PRPF6: variants seen among roughly 807,000 people sequenced by gnomAD.
PRPF6 encodes pre-mRNA-processing factor 6.
In PRPF6, 42 loss-of-function variants were observed where a neutral mutation model predicts 118.3. That is an observed-to-expected ratio of 0.35 (90% CI 0.28 to 0.46). The LOEUF (loss-of-function observed/expected upper bound fraction) is 0.46. Among genes scored for constraint, PRPF6 ranks in the 20% least tolerant of loss-of-function variants. PRPF6 has a pLI of 1.00. For synonymous variants in PRPF6, 481 were observed against 485.1 expected (o/e 0.99, Z 0.11); for missense variants, 662 against 1,255.7 (o/e 0.53, Z 7.15).
intron 3 of PRPF6, among the ~76,000 whole-genome samples, chr20:63,986,158 T>C (rs954226138): frequency 1.3e-5 from 2 of 151,908 alleles, no homozygotes; most frequent in African/African-American, 4.8e-5. Context: ...CTGGCCAACC[T>C]AGTGAAACCC....
In PRPF6 at chr20:64,026,968, T is replaced by C. The variant is rs768193677; in HGVS notation, c.2029-14T>C. On this transcript the variant is annotated splice_polypyrimidine_tract_variant and intron_variant, in intron 15 of 20. Transcript: ENST00000266079. This position sits in a 1 kb window ranked among gnomAD's most constrained non-coding sequence, Gnocchi z 4.4. ...AGCTGATGCCCTGCGTGACAGTGCA[T>C]GTCTGCCCCACAGGTGTTCATGAAG... is the stretch of plus-strand genomic sequence containing the variant. The C allele has an allele frequency of 1.3e-5, 21 of 1,613,650 alleles. No individual in the cohort carries two copies. Among genetic ancestry groups the C allele is most frequent in the Non-Finnish European group, 1.8e-5 (21 of 1,180,032 alleles).
chr20:63,992,300 C>T (rs1001079160), intron 3 of PRPF6, among the ~76,000 whole-genome samples: 2 of 151,958 alleles, frequency 1.3e-5, no homozygotes, highest in Non-Finnish European at 2.9e-5. Flanking sequence ...TCACTCTTGT[C>T]ACCCAGGCTG....
chr20:63,982,757 T>A (rs1245395619), intron 1 of PRPF6, among the ~76,000 whole-genome samples: 1 of 151,986 alleles, frequency 6.6e-6, no homozygotes, highest in Non-Finnish European at 1.5e-5. Flanking sequence ...ACGGAAGAGC[T>A]CAGTGTGGGC....
In PRPF6 at chr20:64,032,852, G is replaced by A. The variant is rs1286378539; in HGVS notation, c.2685G>A (p.Glu895=). ...ELQHGTEEQQ[E]EVRKRCESAE... ...TGTGGTCCCCCCAGGAGCAGCAGGAGGAGGTGAGGAAGCGCTGTGAGAGTG... is the reference window on the plus strand; with the variant it reads ...TGTGGTCCCCCCAGGAGCAGCAGGAAGAGGTGAGGAAGCGCTGTGAGAGTG... The change falls in exon 21 of 21, where the codon GAG becomes GAA. Residue 895 remains glutamate, a synonymous_variant. Coordinates refer to ENST00000266079, the MANE Select transcript of PRPF6 (RefSeq NM_012469.4). 1.9e-5 allele frequency: 30 copies of A among 1,610,268 alleles called. No homozygotes were observed. Among genetic ancestry groups the A allele is most frequent in the Non-Finnish European group, 2.5e-5 (29 of 1,178,942 alleles).
intron 3 of PRPF6, among the ~76,000 whole-genome samples, chr20:63,990,436 A>C (rs539337963): frequency 5.0e-4 from 76 of 151,324 alleles, no homozygotes; most frequent in African/African-American, 1.7e-3. Context: ...TAAATTTTAT[A>C]CCTATAGTAA....
chr20:63,987,192 G>GT (rs967468572), intron 3 of PRPF6, among the ~76,000 whole-genome samples: 20 of 148,270 alleles, frequency 1.3e-4, no homozygotes, highest in African/African-American at 4.6e-4. Context: ...AAAAAAAAGG[G>GT]GGGGGGAGCA....
intron 12 of PRPF6, among the ~76,000 whole-genome samples, chr20:64,017,772 G>A (rs1018028845): frequency 6.6e-6 from 1 of 152,242 alleles, no homozygotes; most frequent in Admixed American, 6.5e-5. Flanking sequence ...AGTTGCAGAT[G>A]TGGTGCCCTT....
At chr20:64,020,455 C>T (rs369663440) in intron 12 of PRPF6, among the ~76,000 whole-genome samples, 4 of 152,066 alleles carry the variant, frequency 2.6e-5, no homozygotes, top group African/African-American at 7.2e-5. Context: ...GCGCAGAGGA[C>T]GGTGACTTGC....
intron 3 of PRPF6, among the ~76,000 whole-genome samples, chr20:63,990,752 C>A (rs187265138): frequency 1.6e-3 from 240 of 151,710 alleles, no homozygotes; most frequent in African/African-American, 5.5e-3. Context: ...TCAAGTGATT[C>A]TCCTGCCTCA....
At chr20:64,019,698 AGGGCCTGACCCTCACCG>A (rs578231763) in intron 12 of PRPF6, among the ~76,000 whole-genome samples, 1 of 152,344 alleles carries the variant, frequency 6.6e-6, no homozygotes, top group South Asian at 2.1e-4. Flanking sequence ...TGCTCTATCC[AGGGCCTGACCCTCACCG>A]GCATCCTCCC....
chr20:64,001,070 C>T lies in PRPF6; in HGVS notation c.1024-7C>T. The T allele has an allele frequency of 2.5e-6, 4 of 1,613,952 alleles. No homozygotes were observed. The highest frequency in any genetic ancestry group is 3.4e-6 in the Non-Finnish European group (4 of 1,179,988). On this transcript the variant is annotated splice_region_variant and splice_polypyrimidine_tract_variant and intron_variant, in intron 8 of 20. Transcript: ENST00000266079. Reference sequence around the variant, plus strand: ...GAGCCTTATTGGTCTTATCTCTTGCCTCACAGAGTGAAGATGTCTGGCTGG... The same window carrying T: ...GAGCCTTATTGGTCTTATCTCTTGCTTCACAGAGTGAAGATGTCTGGCTGG...
Position 63,984,988 on chromosome 20 carries a change from C to G in PRPF6, c.322C>G (p.Leu108Val). 6.2e-7 allele frequency: 1 copy of G among 1,613,330 alleles called. No homozygotes were observed. Among genetic ancestry groups the G allele is most frequent in the Non-Finnish European group, 8.5e-7 (1 of 1,179,644 alleles). The change falls in exon 3 of 21, where the codon CTG (leucine) becomes GTG (valine). Residue 108 changes from leucine to valine, a missense_variant. Leu to Val is a conservative substitution (Grantham distance 32). This residue lies in a region of PRPF6 where 20 missense variants were observed against 69.4 expected (regional missense o/e 0.29). Coordinates refer to ENST00000266079, the MANE Select transcript of PRPF6 (RefSeq NM_012469.4). ...DEEADAIYAA[L>V]DKRMDERRKE... ...GGAAGCAGATGCTATCTATGCAGCC[C>G]TGGATAAAAGGATGGATGAAAGAAG...
At position 63,995,202 on chromosome 20, in the gene PRPF6, G is replaced by A. The variant is rs2059135884; in HGVS notation, c.615+110G>A. On this transcript the variant is annotated intron_variant, in intron 5 of 20. Coordinates refer to ENST00000266079, the MANE Select transcript of PRPF6 (RefSeq NM_012469.4). ...CTTCTGCAGGTCATGGCTATGCTGTGGCCGAGTCTGTCTGCACAGCTGTGC... is the reference window on the plus strand; with the variant it reads ...CTTCTGCAGGTCATGGCTATGCTGTAGCCGAGTCTGTCTGCACAGCTGTGC... 39 of 1,582,714 alleles carry A rather than the reference G, an allele frequency of 2.5e-5. No homozygotes were observed. The South Asian group carries it at 4.4e-4, about 18-fold the overall frequency.
intron 6 of PRPF6, among the ~76,000 whole-genome samples, chr20:63,998,582 C>T (rs932153411): frequency 6.7e-5 from 10 of 149,542 alleles, no homozygotes; most frequent in African/African-American, 2.5e-4. Flanking sequence ...TGGCTCACGC[C>T]TGTAATCCCA....
intron 20 of PRPF6, among the ~76,000 whole-genome samples, chr20:64,032,386 G>A (rs1429010183): frequency 6.6e-6 from 1 of 152,206 alleles, no homozygotes; most frequent in African/African-American, 2.4e-5. Flanking sequence ...TTTTTCTTGG[G>A]CCTGAGCCTG....
At position 64,032,981 on chromosome 20, in the gene PRPF6, G is replaced by A. The variant is rs1256185388; in HGVS notation, c.2814G>A (p.Lys938=). ...DILRLVAGRI[K]NTF is the part of the protein sequence containing the mutation. ...TTAGGCTGGTGGCCGGCCGCATCAA[G>A]AACACCTTCTGATTGAGCGGTTGCC... is the stretch of plus-strand genomic sequence containing the variant. Residue 938 remains lysine (K), a synonymous_variant, in exon 21 of 21, where the codon AAG becomes AAA. Transcript: ENST00000266079. 5.0e-6 allele frequency: 8 copies of A among 1,613,332 alleles called. No homozygotes were observed. Among genetic ancestry groups the A allele is most frequent in the Non-Finnish European group, 6.8e-6 (8 of 1,180,018 alleles).
At position 64,027,297 on chromosome 20, in the gene PRPF6, G is replaced by T; in HGVS notation, c.2205+139G>T. ...TACAGCTGATGGAGCTGCAGACTCAGGACCCAAACCCTGGTCCCCTCGCTG... is the reference window on the plus strand; with the variant it reads ...TACAGCTGATGGAGCTGCAGACTCATGACCCAAACCCTGGTCCCCTCGCTG... On this transcript the variant is annotated intron_variant, in intron 16 of 20. Coordinates refer to ENST00000266079, the MANE Select transcript of PRPF6 (RefSeq NM_012469.4). This position sits in a 1 kb window ranked among gnomAD's most constrained non-coding sequence, Gnocchi z 6.5. The T allele has an allele frequency of 8.4e-7, 1 of 1,187,498 alleles. No individual in the cohort carries two copies. The highest frequency in any genetic ancestry group is 1.2e-6 in the Non-Finnish European group (1 of 826,270). 73.6% of individuals were successfully genotyped at this position (1,187,498 alleles called of 1,614,324 possible).
At chr20:63,994,863 G>C (rs1391926077) in intron 4 of PRPF6, 53 bp from the exon 5 acceptor site, 2 of 1,611,022 alleles carry the variant, frequency 1.2e-6, no homozygotes, top group Non-Finnish European at 1.7e-6. Flanking sequence ...TCCTACCTGG[G>C]CACATGAAAT....
rs1419950752 is a variant in PRPF6 at position 64,010,463 on chromosome 20, A to G, written c.1305+145A>G. ...GGAGCAGAAGGCCCTGTGGAACCCC[A>G]GGATGCCGTTCTGTACATAGCCGCT... On this transcript the variant is annotated intron_variant, in intron 10 of 20. Transcript: ENST00000266079. 1.3e-5 allele frequency: 10 copies of G among 745,252 alleles called. No homozygotes were observed. The Admixed American group carries it at 1.4e-4, about 10-fold the overall frequency. 46.2% of individuals were successfully genotyped at this position (745,252 alleles called of 1,614,324 possible). A position where few individuals can be genotyped will look rare whatever the true frequency, so the allele number is the denominator to read the frequency against.
Sources: gnomAD v4.1 joint callset for allele counts (sites outside exome capture counted in the v4.1 genomes callset) on GRCh38, gnomAD v4.1.1 for gene constraint, gnomAD v4.1.1 regional missense constraint, Gnocchi (gnomAD v3.1) non-coding constraint, MANE v1.5 for transcripts, NCBI Gene and HGNC (gene_info 2026-07-23, HGNC 2026-07-21) for gene names.